Variants in PRKCA observed in about 807,000 individuals in gnomAD.
PRKCA encodes the protein protein kinase C alpha type.
In PRKCA, 27 loss-of-function variants were observed where a neutral mutation model predicts 87.0. The ratio of observed to expected loss-of-function variants is 0.31; its 90% confidence interval spans 0.23 to 0.43. PRKCA has a LOEUF of 0.43. PRKCA is among the 20% of genes least tolerant of loss of function. PRKCA has a pLI of 1.00. For missense variants in PRKCA, 518 were observed against 852.3 expected (o/e 0.61, Z 4.88); for synonymous variants, 329 against 311.1 (o/e 1.06, Z -0.61).
intron 13 of PRKCA, among the ~76,000 whole-genome samples, chr17:66,759,198 C>CA (rs913526014): frequency 6.6e-6 from 1 of 150,964 alleles, no homozygotes; most frequent in East Asian, 2.0e-4. Context: ...AATAAAAATA[C>CA]AAAAAAAATT....
At chr17:66,388,993 C>T (rs1164501457) in intron 2 of PRKCA, among the ~76,000 whole-genome samples, 1 of 152,128 alleles carries the variant, frequency 6.6e-6, no homozygotes, top group East Asian at 1.9e-4. Flanking sequence ...TGTGGGAAAT[C>T]GTGAATTCGT....
At chr17:66,773,775 C>T (rs1182654064) in intron 13 of PRKCA, among the ~76,000 whole-genome samples, 2 of 152,060 alleles carry the variant, frequency 1.3e-5, no homozygotes, top group Admixed American at 1.3e-4. Flanking sequence ...ACAAGATTCC[C>T]CAAACCAGCC....
intron 2 of PRKCA, among the ~76,000 whole-genome samples, chr17:66,423,103 C>A (rs1032613168): frequency 6.7e-6 from 1 of 150,142 alleles, no homozygotes; most frequent in Non-Finnish European, 1.5e-5. Context: ...AAAAGCGAGA[C>A]CTTGTCTCAA....
At chr17:66,382,018 G>A (rs974778151) in intron 2 of PRKCA, among the ~76,000 whole-genome samples, 1 of 152,178 alleles carries the variant, frequency 6.6e-6, no homozygotes, top group Non-Finnish European at 1.5e-5. Flanking sequence ...GAGAGATGGT[G>A]ATGTCTTCCT....
intron 5 of PRKCA, among the ~76,000 whole-genome samples, chr17:66,662,191 A>C (rs1020030593): frequency 6.6e-6 from 1 of 152,056 alleles, no homozygotes; most frequent in African/African-American, 2.4e-5. Context: ...CTTGGTTTGT[A>C]AACCATGTGG....
rs759487890 is a variant in PRKCA, at chr17:66,689,034, G to A, written c.905G>A (p.Arg302Lys). 26 of 1,595,114 alleles carry A rather than the reference G, an allele frequency of 1.6e-5. No individual in the cohort carries two copies. The South Asian group carries it at 2.5e-4, about 15-fold the overall frequency. ...EGDEEGNMEL[R>K]QKFEKAKLGP... ...GACGAGGAAGGAAACATGGAACTCA[G>A]GCAGAAATTCGAGGTGAGGATAACA... The change falls in exon 8 of 17, where the codon AGG (arginine) becomes AAG (lysine). Residue 302 changes from arginine (R) to lysine (K), a missense_variant. Physicochemically the swap from Arg to Lys is conservative, Grantham distance 26. Around this residue, in one of 5 missense-constraint regions of PRKCA, gnomAD observed 300 missense variants for 496.8 expected, o/e 0.60. Coordinates refer to ENST00000413366, the MANE Select transcript of PRKCA (RefSeq NM_002737.3). The surrounding 1 kb of genome is among the most constrained non-coding windows in gnomAD (Gnocchi z 4.1).
intron 5 of PRKCA, among the ~76,000 whole-genome samples, chr17:66,669,441 G>A: frequency 6.6e-6 from 1 of 151,672 alleles, no homozygotes. Flanking sequence ...TGGAAGACTG[G>A]GAACAGGATA....
At chr17:66,750,461 T>G (rs1974403556) in intron 13 of PRKCA, among the ~76,000 whole-genome samples, 2 of 152,178 alleles carry the variant, frequency 1.3e-5, no homozygotes, top group Admixed American at 6.6e-5. Flanking sequence ...CTCAGATCTT[T>G]TCTAGGAATT....
intron 4 of PRKCA, among the ~76,000 whole-genome samples, chr17:66,643,718 C>T (rs544711912): frequency 6.6e-5 from 10 of 152,238 alleles, no homozygotes; most frequent in Non-Finnish European, 1.3e-4. Context: ...GAGAGCAAGC[C>T]GATGAGCACC....
intron 8 of PRKCA, among the ~76,000 whole-genome samples, chr17:66,711,401 CTT>C (rs1047312575): frequency 6.6e-6 from 1 of 152,200 alleles, no homozygotes; most frequent in Admixed American, 6.5e-5. Flanking sequence ...CCTTCTCACT[CTT>C]ATTTCATTTT....
intron 14 of PRKCA, among the ~76,000 whole-genome samples, chr17:66,781,396 G>A (rs986919918): frequency 2.6e-4 from 39 of 152,180 alleles, no homozygotes; most frequent in Admixed American, 2.5e-3. Flanking sequence ...GCTCCATCCC[G>A]GTGGGTCCCC....
chr17:66,519,811 A>G (rs931345988), intron 3 of PRKCA, among the ~76,000 whole-genome samples: 1 of 152,200 alleles, frequency 6.6e-6, no homozygotes, highest in Admixed American at 6.5e-5. Context: ...GGCATTCTGC[A>G]TTTCCCAAGC....
At chr17:66,594,976 G>C (rs748509655) in intron 3 of PRKCA, among the ~76,000 whole-genome samples, 24 of 152,164 alleles carry the variant, frequency 1.6e-4, no homozygotes, top group Non-Finnish European at 1.6e-4. Context: ...TCACAGTTCA[G>C]GGAACCAGAA....
At chr17:66,450,276 G>A (rs565357893) in intron 2 of PRKCA, among the ~76,000 whole-genome samples, 162 of 152,212 alleles carry the variant, frequency 1.1e-3, no homozygotes, top group African/African-American at 3.9e-3. Flanking sequence ...CAGCCAGTCT[G>A]CAAGAATTGG....
intron 8 of PRKCA, among the ~76,000 whole-genome samples, chr17:66,709,744 G>T (rs1330958181): frequency 1.3e-5 from 2 of 151,676 alleles, no homozygotes; most frequent in Admixed American, 1.3e-4. Flanking sequence ...GCAAACCCTG[G>T]TTGTGTGGCA....
At position 66,623,225 on chromosome 17, in the gene PRKCA, A is replaced by G. The variant is rs994111020; in HGVS notation, c.289-18130A>G. ...CTAGAATTTTCCTCAGTGGATAACA[A>G]TGTAAGTATCACTTGATTATTCCAT... On this transcript the variant is annotated intron_variant, in intron 3 of 16. Coordinates refer to ENST00000413366, the MANE Select transcript of PRKCA (RefSeq NM_002737.3). Among the ~76,000 whole-genome samples the G allele has an allele frequency of 7.3e-4, 111 of 152,250 alleles. 1 individual carries two copies. Among genetic ancestry groups the G allele is most frequent in the African/African-American group, 2.4e-3 (100 of 41,476 alleles).
At chr17:66,521,348 T>A (rs1274698315) in intron 3 of PRKCA, among the ~76,000 whole-genome samples, 2 of 152,180 alleles carry the variant, frequency 1.3e-5, no homozygotes, top group Non-Finnish European at 2.9e-5. Context: ...AGTTCTCATT[T>A]TTATAGTTTT....
At chr17:66,377,721 ATTTTTT>A (rs1229084236) in intron 2 of PRKCA, among the ~76,000 whole-genome samples, 2 of 69,146 alleles carry the variant, frequency 2.9e-5, no homozygotes, top group Non-Finnish European at 5.1e-5. Flanking sequence ...ATATATATAT[ATTTTTT>A]TTTTTTTTTT....
chr17:66,449,077 A>G (rs184475325), intron 2 of PRKCA, among the ~76,000 whole-genome samples: 6 of 151,684 alleles, frequency 4.0e-5, no homozygotes, highest in African/African-American at 1.2e-4. Flanking sequence ...TTGAGCCCAC[A>G]ATTTCCAGAT....
Sources: allele counts gnomAD v4.1 joint callset (sites outside exome capture counted in the v4.1 genomes callset), GRCh38; gene constraint gnomAD v4.1.1; regional missense constraint gnomAD v4.1.1; non-coding constraint Gnocchi (gnomAD v3.1); transcripts MANE v1.5; gene names NCBI Gene and HGNC (gene_info 2026-07-23, HGNC 2026-07-21).